EPB41L3: variants seen among roughly 807,000 people sequenced by gnomAD.
The protein encoded by EPB41L3 is erythrocyte membrane protein band 4.1 like 3.
EPB41L3 carries 57 observed loss-of-function variants against 127.1 expected under a neutral mutation model. That is an observed-to-expected ratio of 0.45 (90% CI 0.36 to 0.56). The LOEUF (loss-of-function observed/expected upper bound fraction) is 0.56. Ranked by LOEUF, EPB41L3 falls within the 20% of genes least tolerant of loss-of-function variation. EPB41L3 has a pLI of 0.00. For synonymous variants in EPB41L3, 572 were observed against 549.5 expected (o/e 1.04, Z -0.57); for missense variants, 1,273 against 1,372.2 (o/e 0.93, Z 1.14).
chr18:5,517,120 G>A (rs2092782186), intron 1 of EPB41L3, among the ~76,000 whole-genome samples: 1 of 152,092 alleles, frequency 6.6e-6, no homozygotes, highest in Non-Finnish European at 1.5e-5. Context: ...GTCTATCACT[G>A]AACGTTTCAA....
At chr18:5,471,650 C>G (rs374936091) in intron 3 of EPB41L3, among the ~76,000 whole-genome samples, 7 of 152,082 alleles carry the variant, frequency 4.6e-5, no homozygotes, top group African/African-American at 1.7e-4. Flanking sequence ...ACAGGCAAGA[C>G]GATGGAGCAG....
At chr18:5,405,626 T>C (rs111516819) in intron 16 of EPB41L3, among the ~76,000 whole-genome samples, 2,078 of 151,118 alleles carry the variant, frequency 0.014, 41 homozygotes, top group African/African-American at 0.047. Flanking sequence ...CCCACTTCTA[T>C]TAAAAATACA....
chr18:5,569,173 A>G (rs2094245467), intron 3 of EPB41L3, among the ~76,000 whole-genome samples: 1 of 152,156 alleles, frequency 6.6e-6, no homozygotes, highest in Non-Finnish European at 1.5e-5. Context: ...ACAAAACAAA[A>G]CAGTAACATT....
chr18:5,497,713 C>T (rs2091307702), intron 1 of EPB41L3, among the ~76,000 whole-genome samples: 2 of 152,206 alleles, frequency 1.3e-5, no homozygotes, highest in Admixed American at 1.3e-4. Context: ...TCATCCAGTT[C>T]AGGTGAAAAG....
At chr18:5,590,240 G>A (rs1054915925) in intron 3 of EPB41L3, among the ~76,000 whole-genome samples, 13 of 152,126 alleles carry the variant, frequency 8.5e-5, no homozygotes, top group African/African-American at 2.9e-4. Context: ...AGGTTCCCAA[G>A]GAGAGCAGTT....
chr18:5,560,353 A>G (rs539544807), intron 3 of EPB41L3, among the ~76,000 whole-genome samples: 12 of 152,256 alleles, frequency 7.9e-5, no homozygotes, highest in African/African-American at 2.9e-4. Flanking sequence ...AGAGTGAAGA[A>G]CTCTCATCCC....
At chr18:5,439,374 A>G (rs1245410055) in intron 5 of EPB41L3, among the ~76,000 whole-genome samples, 1 of 152,102 alleles carries the variant, frequency 6.6e-6, no homozygotes, top group African/African-American at 2.4e-5. Context: ...CTTCCCAAAC[A>G]TTCAGAAGAA....
At chr18:5,431,264 T>G (rs1057474478) in intron 8 of EPB41L3, 1 of 152,196 alleles carries the variant, frequency 6.6e-6, no homozygotes, top group Admixed American at 6.5e-5. Flanking sequence ...TCAGAATTTT[T>G]AAATGGATTG....
intron 14 of EPB41L3, among the ~76,000 whole-genome samples, chr18:5,408,466 G>T (rs1053560103): frequency 2.0e-5 from 3 of 151,146 alleles, no homozygotes; most frequent in Non-Finnish European, 4.4e-5. Context: ...GTAGAGACAG[G>T]GTTTCACCAT....
chr18:5,591,455 T>C (rs2094485513), intron 3 of EPB41L3, among the ~76,000 whole-genome samples: 1 of 152,176 alleles, frequency 6.6e-6, no homozygotes. Flanking sequence ...GCCCACTTTA[T>C]AAAGGCACTA....
In EPB41L3 at chr18:5,424,318, G is replaced by A. The variant is rs371768891; in HGVS notation, c.1107C>T (p.Asn369=). ...TCCATAAACGCTTGGCAGCTCGATG[G>A]TTTGGCAGCTTAAACCCAATGGTGC... The part of the protein sequence containing the change: ...FESTIGFKLP[N]HRAAKRLWKV... Residue 369 remains asparagine, a synonymous_variant, in exon 10 of 23, where the codon AAC becomes AAT. Transcript: ENST00000341928. 19 of 1,607,818 alleles carry A rather than the reference G, an allele frequency of 1.2e-5. No homozygotes were observed. The African/African-American group carries it at 2.0e-4, about 17-fold the overall frequency.
chr18:5,591,028 G>A (rs1185449853), intron 3 of EPB41L3, among the ~76,000 whole-genome samples: 1 of 152,016 alleles, frequency 6.6e-6, no homozygotes. Flanking sequence ...GTACAGACAT[G>A]AAGATCAAAT....
At chr18:5,568,072 T>C (rs183877528) in intron 3 of EPB41L3, among the ~76,000 whole-genome samples, 1 of 152,216 alleles carries the variant, frequency 6.6e-6, no homozygotes, top group East Asian at 1.9e-4. Flanking sequence ...GGAAAAGAAA[T>C]GATGCAAAAT....
At chr18:5,516,886 C>T (rs1311897271) in intron 1 of EPB41L3, among the ~76,000 whole-genome samples, 1 of 152,122 alleles carries the variant, frequency 6.6e-6, no homozygotes. Flanking sequence ...TGGTTGCATG[C>T]CAAAAATTCC....
intron 1 of EPB41L3, among the ~76,000 whole-genome samples, chr18:5,532,103 C>T (rs1027300553): frequency 1.3e-5 from 2 of 152,224 alleles, no homozygotes; most frequent in Admixed American, 6.5e-5. Flanking sequence ...AGAATTGACA[C>T]CACACTTGCA....
chr18:5,415,208 G>A (rs890461386), intron 13 of EPB41L3, among the ~76,000 whole-genome samples: 8 of 152,218 alleles, frequency 5.3e-5, no homozygotes, highest in Admixed American at 4.6e-4. Context: ...AATGGCTGAT[G>A]TCATGTGGGT....
chr18:5,598,069 T>G (rs1280366823), intron 3 of EPB41L3, among the ~76,000 whole-genome samples: 1 of 152,206 alleles, frequency 6.6e-6, no homozygotes, highest in Non-Finnish European at 1.5e-5. Flanking sequence ...GACTTGAAAG[T>G]AGGCCTCATC....
chr18:5,567,549 T>C (rs1050499180), intron 3 of EPB41L3, among the ~76,000 whole-genome samples: 10 of 151,924 alleles, frequency 6.6e-5, no homozygotes, highest in Non-Finnish European at 1.2e-4. Context: ...TCGAGTTTAT[T>C]TGTGCTTATC....
chr18:5,433,461 A>G lies in EPB41L3; in HGVS notation c.912+8T>C, dbSNP rs763253139. The G allele has an allele frequency of 5.0e-6, 8 of 1,601,318 alleles. No homozygotes were observed. The South Asian group carries it at 8.9e-5, about 18-fold the overall frequency. On this transcript the variant is annotated splice_region_variant and intron_variant, in intron 8 of 22. Transcript: ENST00000341928. Reference sequence around the variant, plus strand: ...AATTGAAAGTTTAGGGTTTAAAAAGATGCATACCTTAGCATGATGTAAATC... The same window carrying G: ...AATTGAAAGTTTAGGGTTTAAAAAGGTGCATACCTTAGCATGATGTAAATC...
Sources: gnomAD v4.1 joint callset for allele counts (sites outside exome capture counted in the v4.1 genomes callset) on GRCh38, gnomAD v4.1.1 for gene constraint, MANE v1.5 for transcripts, NCBI Gene and HGNC (gene_info 2026-07-23, HGNC 2026-07-21) for gene names.